The following C8A variants were observed in gnomAD, a reference collection of about 807,000 sequenced individuals.
The protein encoded by C8A is complement C8 alpha chain.
A neutral mutation model predicts 65.3 loss-of-function variants in C8A; 67 were observed. The observed-to-expected ratio is 1.03, with a 90% confidence interval of 0.84 to 1.26. C8A has a LOEUF of 1.26. C8A is among the 50% of genes most tolerant of loss of function. The pLI, the probability that C8A is intolerant of heterozygous loss-of-function variation, is 0.00. For missense variants in C8A, 781 were observed against 723.9 expected, an observed-to-expected ratio of 1.08 and a Z score of -0.90; for synonymous variants, 290 against 259.4, an observed-to-expected ratio of 1.12 and a Z score of -1.13.
At chr1:56,904,354 G>T (rs981268970) in intron 7 of C8A, among the ~76,000 whole-genome samples, 1 of 152,102 alleles carries the variant, frequency 6.6e-6, no homozygotes, top group African/African-American at 2.4e-5. Context: ...AAAAACTCTC[G>T]GGATACAGAT....
intron 10 of C8A, among the ~76,000 whole-genome samples, chr1:56,916,932 G>T (rs1242197556): frequency 1.3e-5 from 2 of 152,162 alleles, no homozygotes; most frequent in African/African-American, 2.4e-5. Flanking sequence ...GGTTTGATTT[G>T]CAGATCCTCA....
intron 4 of C8A, among the ~76,000 whole-genome samples, chr1:56,877,005 G>A (rs905537342): frequency 1.8e-4 from 27 of 152,256 alleles, no homozygotes; most frequent in Middle Eastern, 3.4e-3. Flanking sequence ...GTTAAATGAG[G>A]TCATAGGGTA....
chr1:56,915,989 C>A (rs1361549146), intron 10 of C8A, among the ~76,000 whole-genome samples: 2 of 152,132 alleles, frequency 1.3e-5, no homozygotes, highest in Non-Finnish European at 2.9e-5. Context: ...TTATAGCACT[C>A]CAAGGGCCCT....
intron 10 of C8A, among the ~76,000 whole-genome samples, chr1:56,916,638 A>G (rs1644555011): frequency 6.6e-6 from 1 of 152,218 alleles, no homozygotes; most frequent in Non-Finnish European, 1.5e-5. Flanking sequence ...ACAGACATCC[A>G]GCTTCAAATA....
At chr1:56,914,199 G>A (rs1644533138) in intron 10 of C8A, among the ~76,000 whole-genome samples, 1 of 152,212 alleles carries the variant, frequency 6.6e-6, no homozygotes, top group South Asian at 2.1e-4. Context: ...TATGGCCACT[G>A]AGATTAGGTT....
At chr1:56,868,476 G>A (rs1295525468) in intron 2 of C8A, among the ~76,000 whole-genome samples, 1 of 151,612 alleles carries the variant, frequency 6.6e-6, no homozygotes, top group Non-Finnish European at 1.5e-5. Context: ...AAATTAGCTG[G>A]GCATGACAGT....
intron 10 of C8A, among the ~76,000 whole-genome samples, chr1:56,915,472 T>A (rs1445224203): frequency 1.3e-5 from 2 of 152,122 alleles, no homozygotes; most frequent in Non-Finnish European, 2.9e-5. Flanking sequence ...ACAGCCGAGC[T>A]CAAGGGCCCA....
intron 1 of C8A, among the ~76,000 whole-genome samples, chr1:56,855,257 A>G (rs1401154674): frequency 1.3e-5 from 2 of 152,218 alleles, no homozygotes; most frequent in Non-Finnish European, 2.9e-5. Flanking sequence ...CTGTAAAATG[A>G]GAATAATAAT....
chr1:56,896,878 C>T (rs1372517217), intron 7 of C8A, among the ~76,000 whole-genome samples: 1 of 152,144 alleles, frequency 6.6e-6, no homozygotes, highest in Non-Finnish European at 1.5e-5. Context: ...GCACGCTGAG[C>T]CCTTTCATAC....
chr1:56,856,817 A>T (rs1000214759), intron 1 of C8A, among the ~76,000 whole-genome samples: 3 of 151,954 alleles, frequency 2.0e-5, no homozygotes, highest in Non-Finnish European at 4.4e-5. Context: ...TTTATTTTAT[A>T]AGTTCATGTT....
chr1:56,885,792 C>A, intron 6 of C8A, 135 bp from the exon 7 acceptor site: 1 of 1,173,470 alleles, frequency 8.5e-7, no homozygotes, highest in Non-Finnish European at 1.2e-6. Flanking sequence ...CCTTGTGATC[C>A]TCCAGCTTCT....
rs746208180 is a variant in C8A, at chr1:56,908,032, C to T, written c.1299C>T (p.Gly433=). 1.7e-5 allele frequency: 27 copies of T among 1,613,984 alleles called. No homozygotes were observed. Among genetic ancestry groups the T allele is most frequent in the Non-Finnish European group, 2.1e-5 (25 of 1,180,010 alleles). ...VRGGSSGWSG[G]LAQNRSTITY... The stretch of plus-strand genomic sequence containing the variant: ...GTGGCAGTTCTGGCTGGAGCGGTGG[C>T]TTGGCACAGAACAGGAGCACCATTA... Residue 433 remains glycine, a synonymous_variant, in exon 9 of 11, where the codon GGC becomes GGT. Coordinates refer to ENST00000361249, the MANE Select transcript of C8A (RefSeq NM_000562.3).
At position 56,912,610 on chromosome 1, in the gene C8A, C is replaced by G. The variant is rs776071875; in HGVS notation, c.1588C>G (p.Gln530Glu). The change falls in exon 10 of 11, where the codon CAA becomes GAA. Residue 530 changes from glutamine to glutamate, a missense_variant. By Grantham distance (29) the Gln-to-Glu change is conservative. Coordinates refer to ENST00000361249, the MANE Select transcript of C8A (RefSeq NM_000562.3). ...RLGSLGAACE[Q>E]TQTEGAKADG... Reference sequence around the variant, plus strand: ...GGGTAGCTTGGGTGCTGCCTGTGAGCAAACACAGACAGAAGGTAAGGTCCG... The same window carrying G: ...GGGTAGCTTGGGTGCTGCCTGTGAGGAAACACAGACAGAAGGTAAGGTCCG... 7 of 1,614,014 alleles carry G rather than the reference C, an allele frequency of 4.3e-6. No homozygotes were observed. The highest frequency in any genetic ancestry group is 2.2e-5 in the East Asian group (1 of 44,868).
intron 1 of C8A, among the ~76,000 whole-genome samples, chr1:56,859,428 T>TAGGAC (rs1413112763): frequency 6.6e-6 from 1 of 152,148 alleles, no homozygotes; most frequent in African/African-American, 2.4e-5. Context: ...TATGTTAGCA[T>TAGGAC]AGGACAGGCA....
At chr1:56,915,076 C>A (rs1644540432) in intron 10 of C8A, among the ~76,000 whole-genome samples, 1 of 152,190 alleles carries the variant, frequency 6.6e-6, no homozygotes, top group African/African-American at 2.4e-5. Context: ...GAGGATTAAA[C>A]TAGTTAACAC....
intron 7 of C8A, 54 bp from the exon 8 acceptor site, chr1:56,906,613 T>A: frequency 6.2e-7 from 1 of 1,608,960 alleles, no homozygotes; most frequent in Non-Finnish European, 8.5e-7. Flanking sequence ...TTGTACCATG[T>A]CAAGTGTCTT....
At chr1:56,865,459 A>G (rs1204170818) in intron 1 of C8A, among the ~76,000 whole-genome samples, 3 of 152,188 alleles carry the variant, frequency 2.0e-5, no homozygotes, top group African/African-American at 7.2e-5. Context: ...TGAGGGCACT[A>G]ATTCCATTCA....
At chr1:56,909,395 A>G (rs1462318035) in intron 9 of C8A, among the ~76,000 whole-genome samples, 1 of 152,268 alleles carries the variant, frequency 6.6e-6, no homozygotes, top group East Asian at 1.9e-4. Context: ...GTGAAGAAAC[A>G]GGTCAGATGG....
intron 6 of C8A, among the ~76,000 whole-genome samples, chr1:56,884,021 G>A (rs1319507001): frequency 1.3e-5 from 2 of 148,478 alleles, no homozygotes; most frequent in Non-Finnish European, 1.5e-5. Flanking sequence ...TGGAAGAATT[G>A]TAAAGCAAGC....
Sources: allele counts gnomAD v4.1 joint callset (sites outside exome capture counted in the v4.1 genomes callset), GRCh38; gene constraint gnomAD v4.1.1; transcripts MANE v1.5; gene names NCBI Gene and HGNC (gene_info 2026-07-23, HGNC 2026-07-21).